The following GRID1 variants were observed in gnomAD, a reference collection of about 807,000 sequenced individuals.
GRID1 encodes the protein glutamate receptor ionotropic, delta-1.
In GRID1, 28 loss-of-function variants were observed where a neutral mutation model predicts 98.0. That is an observed-to-expected ratio of 0.29 (90% CI 0.21 to 0.39). GRID1 has a LOEUF of 0.39. GRID1 is among the 10% of genes least tolerant of loss of function. The probability of loss-of-function intolerance (pLI) is 1.00; values close to 1 mark genes in which losing one functional copy is unlikely to be tolerated. For synonymous variants in GRID1, 553 were observed against 538.5 expected, an observed-to-expected ratio of 1.03 and a Z score of -0.37; for missense variants, 1,111 against 1,340.5, an observed-to-expected ratio of 0.83 and a Z score of 2.67.
intron 12 of GRID1, among the ~76,000 whole-genome samples, chr10:85,676,543 T>C (rs1424508007): frequency 1.3e-5 from 2 of 152,210 alleles, no homozygotes; most frequent in Non-Finnish European, 2.9e-5. Flanking sequence ...GCTTAAGTTC[T>C]GTTTGTAGGA....
chr10:86,271,396 A>C (rs1847182770), intron 2 of GRID1, among the ~76,000 whole-genome samples: 1 of 152,172 alleles, frequency 6.6e-6, no homozygotes, highest in Non-Finnish European at 1.5e-5. Context: ...TCCAATCAAA[A>C]CTGATTAGGT....
At position 85,613,321 on chromosome 10, in the gene GRID1, C is replaced by G; in HGVS notation, c.2601+86G>C. On this transcript the variant is annotated intron_variant, in intron 15 of 15. Transcript: ENST00000327946. ...ACAAGATGACTCAGGTAAATACTAA[C>G]TAGAAACAACCTGCCCTCCCAATGG... 3 of 1,361,318 alleles carry G rather than the reference C, an allele frequency of 2.2e-6. No homozygotes were observed. The Admixed American group carries it at 7.5e-5, about 34-fold the overall frequency. The allele number at this position is 1,361,318 out of a possible 1,614,324, so 84.3% of individuals were successfully genotyped here.
chr10:85,863,319 T>A (rs1046201206), intron 6 of GRID1, among the ~76,000 whole-genome samples: 1 of 152,180 alleles, frequency 6.6e-6, no homozygotes. Context: ...CAGCTCCTTA[T>A]ATGGGCACGA....
intron 13 of GRID1, among the ~76,000 whole-genome samples, chr10:85,643,528 G>C (rs960323390): frequency 6.6e-6 from 1 of 152,140 alleles, no homozygotes; most frequent in Non-Finnish European, 1.5e-5. Context: ...TAGGGAAGAA[G>C]ACAGATTTCA....
At chr10:85,954,085 C>G (rs1379955709) in intron 4 of GRID1, among the ~76,000 whole-genome samples, 2 of 152,120 alleles carry the variant, frequency 1.3e-5, no homozygotes, top group Non-Finnish European at 2.9e-5. Context: ...TACTGTTTAA[C>G]AATTTACAGG....
At chr10:86,178,949 C>A (rs1009655668) in intron 3 of GRID1, among the ~76,000 whole-genome samples, 1 of 152,154 alleles carries the variant, frequency 6.6e-6, no homozygotes, top group Non-Finnish European at 1.5e-5. Context: ...CTGGTTTACC[C>A]TCAGGCCTTG....
chr10:85,769,820 G>C (rs1461781845), intron 8 of GRID1, among the ~76,000 whole-genome samples: 1 of 152,222 alleles, frequency 6.6e-6, no homozygotes, highest in Non-Finnish European at 1.5e-5. Flanking sequence ...AAAGCAGCAG[G>C]GAAGCTCCAA....
intron 8 of GRID1, among the ~76,000 whole-genome samples, chr10:85,749,236 A>G (rs1421461000): frequency 6.6e-6 from 1 of 152,156 alleles, no homozygotes; most frequent in Admixed American, 6.5e-5. Context: ...AATGTTAGCA[A>G]TGGGGTCTCT....
At chr10:86,091,090 C>T (rs1277045525) in intron 4 of GRID1, among the ~76,000 whole-genome samples, 1 of 152,148 alleles carries the variant, frequency 6.6e-6, no homozygotes, top group East Asian at 1.9e-4. Context: ...AGAAGGAATT[C>T]TCTAGCTGAA....
chr10:86,210,701 G>A, intron 2 of GRID1, among the ~76,000 whole-genome samples: 1 of 152,244 alleles, frequency 6.6e-6, no homozygotes, highest in Non-Finnish European at 1.5e-5. Flanking sequence ...AAGGCTGGAA[G>A]CCTCTCCCAG....
chr10:85,777,281 T>C (rs1349117810), intron 8 of GRID1, among the ~76,000 whole-genome samples: 1 of 152,190 alleles, frequency 6.6e-6, no homozygotes, highest in Non-Finnish European at 1.5e-5. Flanking sequence ...TGGGCCCTCC[T>C]TTCTCCCAGC....
At chr10:85,867,129 G>A (rs1843228603) in intron 6 of GRID1, among the ~76,000 whole-genome samples, 1 of 152,130 alleles carries the variant, frequency 6.6e-6, no homozygotes, top group Admixed American at 6.5e-5. Flanking sequence ...TGCATCCAAT[G>A]TGTCTGATAT....
chr10:85,708,995 A>G, intron 12 of GRID1: 1 of 259,992 alleles, frequency 3.8e-6, no homozygotes, highest in Non-Finnish European at 8.0e-6. Flanking sequence ...AGAGATTTGA[A>G]TAGAAAATTT....
intron 4 of GRID1, among the ~76,000 whole-genome samples, chr10:85,958,832 C>T (rs753155010): frequency 1.3e-5 from 2 of 151,912 alleles, no homozygotes; most frequent in Non-Finnish European, 2.9e-5. Context: ...TGGCACATGC[C>T]TGTAATCCCA....
chr10:85,997,727 A>C (rs1842756816), intron 4 of GRID1, among the ~76,000 whole-genome samples: 1 of 152,148 alleles, frequency 6.6e-6, no homozygotes, highest in African/African-American at 2.4e-5. Context: ...GAAATTACTA[A>C]ATGCATTAAA....
At chr10:86,281,872 A>G (rs778423606) in intron 2 of GRID1, among the ~76,000 whole-genome samples, 1 of 152,196 alleles carries the variant, frequency 6.6e-6, no homozygotes, top group Non-Finnish European at 1.5e-5. Context: ...TCCTTCCTCC[A>G]GCCCACAGTT....
At chr10:85,984,474 T>C (rs1842585431) in intron 4 of GRID1, among the ~76,000 whole-genome samples, 1 of 152,076 alleles carries the variant, frequency 6.6e-6, no homozygotes, top group Non-Finnish European at 1.5e-5. Flanking sequence ...CGGGAGAGCC[T>C]TCTCCCACGG....
chr10:86,203,268 T>C (rs1045688260), intron 3 of GRID1, among the ~76,000 whole-genome samples: 2 of 152,074 alleles, frequency 1.3e-5, no homozygotes, highest in Admixed American at 1.3e-4. Flanking sequence ...AGTGAGTCAG[T>C]GGGAGGAGGG....
intron 8 of GRID1, among the ~76,000 whole-genome samples, chr10:85,817,389 G>A (rs1208561241): frequency 6.6e-6 from 1 of 152,004 alleles, no homozygotes; most frequent in African/African-American, 2.4e-5. Flanking sequence ...AGCCCAGCAT[G>A]GTGGCATGTC....
Sources: gnomAD v4.1 joint callset for allele counts (sites outside exome capture counted in the v4.1 genomes callset) on GRCh38, gnomAD v4.1.1 for gene constraint, MANE v1.5 for transcripts, NCBI Gene and HGNC (gene_info 2026-07-23, HGNC 2026-07-21) for gene names.